The following PTPRQ variants were observed in gnomAD, a reference collection of about 807,000 sequenced individuals.
PTPRQ encodes the protein protein tyrosine phosphatase receptor type Q, also known as phosphatidylinositol phosphatase PTPRQ.
A neutral mutation model predicts 246.0 loss-of-function variants in PTPRQ; 199 were observed. That is an observed-to-expected ratio of 0.81 (90% CI 0.72 to 0.91). PTPRQ has a LOEUF of 0.91. PTPRQ is among the 40% of genes least tolerant of loss of function. The pLI is 0.00. For missense variants in PTPRQ, 2,624 were observed against 2,528.4 expected, an observed-to-expected ratio of 1.04 and a Z score of -0.81; for synonymous variants, 869 against 853.2, an observed-to-expected ratio of 1.02 and a Z score of -0.32.
rs373280675 is a variant in PTPRQ, at chr12:80,593,466, T to C, written c.4609+5014T>C. ...CCCTGTGAATCTGAGTGTACACCTG[T>C]AAAACAGAATAAATAAGGGAAACAA... On this transcript the variant is annotated intron_variant, in intron 26 of 44. Transcript: ENST00000644991. Among the ~76,000 whole-genome samples, 221 of 152,186 alleles carry C rather than the reference T, an allele frequency of 1.5e-3. 3 individuals are homozygous for C. In the South Asian group the frequency reaches 0.023, roughly 16 times the overall value.
chr12:80,471,645 T>C (rs1429529978), intron 7 of PTPRQ, among the ~76,000 whole-genome samples: 1 of 143,360 alleles, frequency 7.0e-6, no homozygotes, highest in East Asian at 2.0e-4. Flanking sequence ...GCCCGGCTAA[T>C]TTTTTGTATT....
chr12:80,448,672 A>G (rs955197784), intron 3 of PTPRQ, among the ~76,000 whole-genome samples: 5 of 149,024 alleles, frequency 3.4e-5, no homozygotes, highest in African/African-American at 1.0e-4. Context: ...ATGATTTCCA[A>G]TTTCATCTAT....
At chr12:80,483,662 G>A (rs1894160924) in intron 8 of PTPRQ, among the ~76,000 whole-genome samples, 1 of 152,050 alleles carries the variant, frequency 6.6e-6, no homozygotes, top group African/African-American at 2.4e-5. Flanking sequence ...GTATACATGT[G>A]TCATGGTGGT....
At chr12:80,603,337 C>G (rs1486220571) in intron 26 of PTPRQ, among the ~76,000 whole-genome samples, 2 of 151,638 alleles carry the variant, frequency 1.3e-5, no homozygotes, top group African/African-American at 4.8e-5. Context: ...CTTCCTAAAT[C>G]AATGGAAAAA....
chr12:80,465,417 A>G (rs952253516), intron 6 of PTPRQ: 9 of 152,232 alleles, frequency 5.9e-5, no homozygotes, highest in African/African-American at 2.2e-4. Context: ...GCCGAATTCT[A>G]CCAGAGGTAC....
intron 26 of PTPRQ, among the ~76,000 whole-genome samples, chr12:80,595,776 G>A (rs887099714): frequency 2.9e-5 from 4 of 137,712 alleles, no homozygotes; most frequent in Admixed American, 8.7e-5. Flanking sequence ...CCATGTGTTC[G>A]CATTGTTCAA....
At chr12:80,481,008 TC>T (rs1300180910) in intron 8 of PTPRQ, among the ~76,000 whole-genome samples, 1 of 152,084 alleles carries the variant, frequency 6.6e-6, no homozygotes, top group Admixed American at 6.6e-5. Flanking sequence ...GAGGGAATCC[TC>T]CCTAACTCAT....
At chr12:80,495,473 A>G in intron 12 of PTPRQ, 102 bp downstream of exon 12, 1 of 1,333,468 alleles carries the variant, frequency 7.5e-7, no homozygotes, top group Non-Finnish European at 9.7e-7. Flanking sequence ...TACAGAACAC[A>G]TGCTATGTCA....
At chr12:80,573,351 T>C in intron 25 of PTPRQ, among the ~76,000 whole-genome samples, 1 of 152,026 alleles carries the variant, frequency 6.6e-6, no homozygotes, top group African/African-American at 2.4e-5. Flanking sequence ...TAGCCGGGCA[T>C]GGTGGCGGGC....
chr12:80,448,318 A>G (rs1892617690), intron 3 of PTPRQ, among the ~76,000 whole-genome samples: 1 of 152,098 alleles, frequency 6.6e-6, no homozygotes, highest in African/African-American at 2.4e-5. Context: ...TTCTAGATAT[A>G]CAATTGTGTC....
intron 39 of PTPRQ, 84 bp downstream of exon 39, chr12:80,658,145 A>AAAT: frequency 1.2e-6 from 1 of 862,330 alleles, no homozygotes; most frequent in Non-Finnish European, 1.6e-6. Context: ...TTAAAACAAC[A>AAAT]AATTTATTAC....
At chr12:80,584,571 G>A (rs568505972) in intron 25 of PTPRQ, among the ~76,000 whole-genome samples, 1 of 152,208 alleles carries the variant, frequency 6.6e-6, no homozygotes, top group East Asian at 1.9e-4. Context: ...GACACAGTAA[G>A]TCCCCAAGCT....
chr12:80,629,901 T>C (rs1385325039), intron 33 of PTPRQ, among the ~76,000 whole-genome samples: 1 of 152,170 alleles, frequency 6.6e-6, no homozygotes, highest in Admixed American at 6.5e-5. Flanking sequence ...AAATACCTAC[T>C]AACTCAATTT....
chr12:80,676,482 A>G (rs1435404250), intron 43 of PTPRQ, among the ~76,000 whole-genome samples: 1 of 152,160 alleles, frequency 6.6e-6, no homozygotes, highest in Non-Finnish European at 1.5e-5. Flanking sequence ...GTCTATACTA[A>G]AAATACAAAA....
intron 21 of PTPRQ, 49 bp downstream of exon 21, chr12:80,541,894 A>G (rs1896165404): frequency 6.8e-7 from 1 of 1,479,664 alleles, no homozygotes; most frequent in African/African-American, 1.4e-5. Flanking sequence ...TGTTCTTTTC[A>G]TTTACATTGC....
chr12:80,513,401 G>T (rs987722673), intron 17 of PTPRQ, among the ~76,000 whole-genome samples: 1 of 152,232 alleles, frequency 6.6e-6, no homozygotes, highest in South Asian at 2.1e-4. Flanking sequence ...AGTGTGTGCT[G>T]TTAGGCCGCT....
intron 26 of PTPRQ, among the ~76,000 whole-genome samples, chr12:80,595,439 AT>A (rs1239899429): frequency 6.6e-6 from 1 of 151,976 alleles, no homozygotes; most frequent in Non-Finnish European, 1.5e-5. Flanking sequence ...ATATTTTTTA[AT>A]TTTTTTGGTC....
At position 80,677,863 on chromosome 12, in the gene PTPRQ, T is replaced by C. The variant is rs377715844; in HGVS notation, c.6739-739T>C. 4.6e-5 allele frequency among the ~76,000 whole-genome samples: 7 copies of C among 152,324 alleles called. No individual in the cohort carries two copies. The East Asian group carries it at 1.2e-3, about 25-fold the overall frequency. ...TTCCTTTAAAGTCAGATATGTTTGTTATGTGCAAATGAGGGTGATTTGAAA... is the reference window on the plus strand; with the variant it reads ...TTCCTTTAAAGTCAGATATGTTTGTCATGTGCAAATGAGGGTGATTTGAAA... On this transcript the variant is annotated intron_variant, in intron 43 of 44. Coordinates refer to ENST00000644991, the MANE Select transcript of PTPRQ (RefSeq NM_001145026.2).
At chr12:80,477,572 G>A (rs757814264) in intron 8 of PTPRQ, among the ~76,000 whole-genome samples, 5 of 152,298 alleles carry the variant, frequency 3.3e-5, no homozygotes, top group Non-Finnish European at 7.4e-5. Flanking sequence ...AGCTCCCAGC[G>A]TGAACGACGC....
Sources: gnomAD v4.1 joint callset for allele counts (sites outside exome capture counted in the v4.1 genomes callset) on GRCh38, gnomAD v4.1.1 for gene constraint, MANE v1.5 for transcripts, NCBI Gene and HGNC (gene_info 2026-07-23, HGNC 2026-07-21) for gene names.